Variants in ESYT2 observed in about 807,000 individuals in gnomAD.
The protein encoded by ESYT2 is extended synaptotagmin 2.
ESYT2 carries 54 observed loss-of-function variants against 107.2 expected under a neutral mutation model. The observed-to-expected ratio is 0.50, with a 90% CI of 0.40 to 0.63. The LOEUF is 0.63. Ranked by LOEUF, ESYT2 falls within the 30% of genes least tolerant of loss-of-function variation. ESYT2 has a pLI of 0.00. For missense variants in ESYT2, 1,020 were observed against 1,094.5 expected, an observed-to-expected ratio of 0.93 and a Z score of 0.96; for synonymous variants, 491 against 434.1, an observed-to-expected ratio of 1.13 and a Z score of -1.63.
intron 7 of ESYT2, among the ~76,000 whole-genome samples, chr7:158,770,212 T>A (rs1055906695): frequency 6.6e-6 from 1 of 151,988 alleles, no homozygotes; most frequent in African/African-American, 2.4e-5. Context: ...TAATATTCAC[T>A]TTTATAACCT....
intron 4 of ESYT2, among the ~76,000 whole-genome samples, chr7:158,791,148 G>C (rs1839277743): frequency 6.6e-6 from 1 of 152,098 alleles, no homozygotes; most frequent in African/African-American, 2.4e-5. Context: ...TTCCGCTTCT[G>C]TCTATGAGTT....
chr7:158,738,951 G>A, intron 19 of ESYT2, 72 bp downstream of exon 19: 4 of 1,390,256 alleles, frequency 2.9e-6, no homozygotes, highest in Non-Finnish European at 4.0e-6. Context: ...CCTAAAGGCG[G>A]TGTCTACATC....
chr7:158,795,413 G>A (rs1273517444), intron 3 of ESYT2, among the ~76,000 whole-genome samples: 1 of 152,232 alleles, frequency 6.6e-6, no homozygotes, highest in East Asian at 1.9e-4. Flanking sequence ...AAACCCAGCT[G>A]AGATGGAATT....
chr7:158,737,553 A>C (rs7781773), intron 19 of ESYT2, among the ~76,000 whole-genome samples: 143,306 of 152,144 alleles, frequency 0.94, 67,538 homozygotes, highest in Middle Eastern at 0.96. Context: ...CCCCTCCAGA[A>C]GGGGGCTGCT....
At chr7:158,764,257 T>C (rs1303762631) in intron 9 of ESYT2, among the ~76,000 whole-genome samples, 1 of 152,210 alleles carries the variant, frequency 6.6e-6, no homozygotes, top group Non-Finnish European at 1.5e-5. Flanking sequence ...ATGGAATGGT[T>C]ATTAAAAATC....
intron 21 of ESYT2, 59 bp from the exon 22 acceptor site, chr7:158,734,530 T>A: frequency 6.6e-7 from 1 of 1,512,176 alleles, no homozygotes; most frequent in Non-Finnish European, 9.1e-7. Context: ...GGCTCCCGTC[T>A]GTAATCCCAG....
chr7:158,771,719 A>C (rs191651760), intron 7 of ESYT2, among the ~76,000 whole-genome samples: 1 of 152,342 alleles, frequency 6.6e-6, no homozygotes, highest in African/African-American at 2.4e-5. Context: ...CCAGCTGCCG[A>C]GCAGGAAACA....
intron 1 of ESYT2, among the ~76,000 whole-genome samples, chr7:158,802,781 CA>C (rs1157766953): frequency 1.3e-5 from 2 of 152,160 alleles, no homozygotes; most frequent in Non-Finnish European, 2.9e-5. Context: ...AAAGATGCTA[CA>C]CCTGAGGCAT....
intron 1 of ESYT2, among the ~76,000 whole-genome samples, chr7:158,828,261 C>T (rs1840512903): frequency 6.6e-6 from 1 of 152,368 alleles, no homozygotes; most frequent in East Asian, 1.9e-4. Flanking sequence ...TTCTCCCCCA[C>T]CAGCTGTCAT....
chr7:158,737,240 C>T (rs930792228), intron 19 of ESYT2, 61 bp from the exon 20 acceptor site: 3 of 1,561,980 alleles, frequency 1.9e-6, no homozygotes, highest in Non-Finnish European at 1.7e-6. Flanking sequence ...ATGAGCAGCA[C>T]ATTCAGATAT....
intron 1 of ESYT2, among the ~76,000 whole-genome samples, chr7:158,819,785 T>C (rs1045047137): frequency 6.6e-6 from 1 of 152,192 alleles, no homozygotes; most frequent in African/African-American, 2.4e-5. Flanking sequence ...TACAACTACA[T>C]GTTCATTAAA....
At chr7:158,815,645 C>A (rs1363505485) in intron 1 of ESYT2, among the ~76,000 whole-genome samples, 1 of 152,172 alleles carries the variant, frequency 6.6e-6, no homozygotes, top group African/African-American at 2.4e-5. Flanking sequence ...TATGGTGCTG[C>A]TTCCTGTGGT....
At chr7:158,767,049 G>A (rs1456518283) in intron 8 of ESYT2, among the ~76,000 whole-genome samples, 1 of 152,212 alleles carries the variant, frequency 6.6e-6, no homozygotes, top group Non-Finnish European at 1.5e-5. Flanking sequence ...CCATTTTACA[G>A]ATGACAAAAC....
At chr7:158,782,542 A>AGAATGT (rs372174683) in intron 6 of ESYT2, among the ~76,000 whole-genome samples, 16,474 of 150,412 alleles carry the variant, frequency 0.11, 1,414 homozygotes, top group African/African-American at 0.13. Flanking sequence ...TAAGAAAATG[A>AGAATGT]GTGTGAGAAG....
chr7:158,793,334 T>C (rs987078421), intron 4 of ESYT2, among the ~76,000 whole-genome samples: 2 of 152,228 alleles, frequency 1.3e-5, no homozygotes, highest in Non-Finnish European at 2.9e-5. Flanking sequence ...ATCTTTTTAA[T>C]ATGCTGCCGA....
intron 1 of ESYT2, among the ~76,000 whole-genome samples, chr7:158,805,365 CT>C (rs1839793606): frequency 6.6e-6 from 1 of 152,124 alleles, no homozygotes; most frequent in Admixed American, 6.5e-5. Flanking sequence ...TATTAGGATG[CT>C]TTATCCAAAT....
At chr7:158,780,380 G>T (rs919094054) in intron 6 of ESYT2, among the ~76,000 whole-genome samples, 7 of 152,180 alleles carry the variant, frequency 4.6e-5, no homozygotes, top group African/African-American at 1.4e-4. Context: ...AAGCATCACA[G>T]CGAACATTTA....
At chr7:158,764,899 T>C in intron 8 of ESYT2, 46 bp from the exon 9 acceptor site, 2 of 1,586,776 alleles carry the variant, frequency 1.3e-6, no homozygotes, top group Non-Finnish European at 1.7e-6. Context: ...GCTGGCTTGT[T>C]TAACTGGCAT....
chr7:158,757,525 C>G (rs1271033565), intron 13 of ESYT2, among the ~76,000 whole-genome samples: 3 of 151,822 alleles, frequency 2.0e-5, no homozygotes, highest in African/African-American at 7.3e-5. Context: ...AGAGGCAGAG[C>G]CAAAGGATCC....
Sources: allele counts gnomAD v4.1 joint callset (sites outside exome capture counted in the v4.1 genomes callset), GRCh38; gene constraint gnomAD v4.1.1; transcripts MANE v1.5; gene names NCBI Gene and HGNC (gene_info 2026-07-23, HGNC 2026-07-21).